NLGN4X: variants seen among roughly 807,000 people sequenced by gnomAD.
NLGN4X encodes neuroligin 4 X-linked, also known as neuroligin-4, X-linked.
NLGN4X carries 3 observed loss-of-function variants against 40.3 expected under a neutral mutation model. The ratio of observed to expected loss-of-function variants is 0.07; its 90% CI spans 0.03 to 0.19. The LOEUF is 0.19. NLGN4X is among the 10% of genes least tolerant of loss of function. The probability of loss-of-function intolerance (pLI) is 1.00; values close to 1 mark genes in which losing one functional copy is unlikely to be tolerated. For missense variants in NLGN4X, 382 were observed against 708.3 expected (o/e 0.54, Z 5.23); for synonymous variants, 270 against 306.8 (o/e 0.88, Z 1.25).
At chrX:6,092,007 TCCTCCCTC>T (rs780853909) in intron 2 of NLGN4X, among the ~76,000 whole-genome samples, 1 of 105,988 alleles carries the variant, frequency 9.4e-6, no homozygotes, top group African/African-American at 3.5e-5. Context: ...CTTCCCCCCT[TCCTCCCTC>T]CCTCCCTCCC....
At chrX:6,155,458 T>G (rs1380366582) in intron 1 of NLGN4X, among the ~76,000 whole-genome samples, 1 of 112,011 alleles carries the variant, frequency 8.9e-6, no homozygotes, top group African/African-American at 3.2e-5. Context: ...TTGTGTCTAG[T>G]GGAGACAACA....
intron 2 of NLGN4X, among the ~76,000 whole-genome samples, chrX:6,130,593 T>C (rs2039659269): frequency 8.9e-6 from 1 of 112,988 alleles, no homozygotes; most frequent in Non-Finnish European, 1.9e-5. Context: ...ATGAAAAATA[T>C]ATTAAAACTG....
At chrX:6,068,130 A>G (rs145442507) in intron 2 of NLGN4X, among the ~76,000 whole-genome samples, 4,708 of 111,735 alleles carry the variant, frequency 0.042, 221 homozygotes, top group African/African-American at 0.13. Context: ...TCTAAAGCCC[A>G]AACTGAGGTC....
intron 3 of NLGN4X, among the ~76,000 whole-genome samples, chrX:5,936,109 T>C (rs994691893): frequency 8.9e-6 from 1 of 111,892 alleles, no homozygotes; most frequent in Non-Finnish European, 1.9e-5. Flanking sequence ...TATGAAACAT[T>C]ATCTGATAAG....
chrX:6,022,806 C>G (rs976271127), intron 3 of NLGN4X, among the ~76,000 whole-genome samples: 1 of 111,611 alleles, frequency 9.0e-6, no homozygotes, highest in Non-Finnish European at 1.9e-5. Context: ...AGAGGAAAAC[C>G]CTACAAGGGA....
intron 3 of NLGN4X, among the ~76,000 whole-genome samples, chrX:5,983,264 C>A (rs959834310): frequency 5.4e-5 from 6 of 111,827 alleles, no homozygotes; most frequent in African/African-American, 1.9e-4. Flanking sequence ...GAGAAAGATG[C>A]CACTAATCCA....
chrX:6,068,425 CT>C (rs1185433888), intron 2 of NLGN4X, among the ~76,000 whole-genome samples: 1 of 111,027 alleles, frequency 9.0e-6, no homozygotes, highest in Non-Finnish European at 1.9e-5. Flanking sequence ...GAAAAGCTTT[CT>C]CAGAATGTCT....
chrX:6,019,274 G>A (rs2036472538), intron 3 of NLGN4X, among the ~76,000 whole-genome samples: 1 of 112,058 alleles, frequency 8.9e-6, no homozygotes, highest in African/African-American at 3.2e-5. Context: ...GCTTCTTGTA[G>A]AATTGCCTGT....
chrX:5,923,100 A>G (rs2033137373), intron 3 of NLGN4X, among the ~76,000 whole-genome samples: 1 of 111,426 alleles, frequency 9.0e-6, no homozygotes, highest in African/African-American at 3.3e-5. Flanking sequence ...CTATTAAGCC[A>G]TATGTCCCCA....
At chrX:5,979,605 A>G (rs1351175794) in intron 3 of NLGN4X, among the ~76,000 whole-genome samples, 1 of 110,158 alleles carries the variant, frequency 9.1e-6, no homozygotes, top group Non-Finnish European at 1.9e-5. Flanking sequence ...AATGATGCTG[A>G]GCACATTTTC....
rs753149396 is a variant in NLGN4X, at chrX:6,151,084, A to T, written c.383T>A (p.Phe128Tyr). The T allele has an allele frequency of 2.5e-6, 3 of 1,211,849 alleles. No individual in the cohort carries two copies. The highest frequency in any genetic ancestry group is 3.4e-6 in the Non-Finnish European group (3 of 895,498). The change falls in exon 2 of 6, where the codon TTT becomes TAT. Residue 128 changes from phenylalanine (F) to tyrosine (Y), a missense_variant. Physicochemically the swap from Phe to Tyr is conservative, Grantham distance 22. Transcript: ENST00000381095. Reference sequence around the variant, plus strand: ...CATCAAAGTATCCAAATTGGCGGTAAACCAGATGGGCAGCATGTCATGCAG... The same window carrying T: ...CATCAAAGTATCCAAATTGGCGGTATACCAGATGGGCAGCATGTCATGCAG... The part of the protein sequence containing the change: ...SLLHDMLPIW[F>Y]TANLDTLMTY...
At chrX:5,943,152 G>A (rs938323424) in intron 3 of NLGN4X, among the ~76,000 whole-genome samples, 1 of 111,441 alleles carries the variant, frequency 9.0e-6, no homozygotes, top group African/African-American at 3.3e-5. Flanking sequence ...GAGATTCAGT[G>A]CATTAGAAGC....
intron 2 of NLGN4X, among the ~76,000 whole-genome samples, chrX:6,068,611 T>C (rs1241443297): frequency 8.9e-6 from 1 of 111,999 alleles, no homozygotes; most frequent in Non-Finnish European, 1.9e-5. Context: ...AATCAACAAT[T>C]GTAAAAATTC....
At chrX:5,991,965 T>A (rs774046222) in intron 3 of NLGN4X, among the ~76,000 whole-genome samples, 1 of 111,380 alleles carries the variant, frequency 9.0e-6, no homozygotes, top group African/African-American at 3.3e-5. Context: ...ATAGAAGGAG[T>A]TTTGTGTGTG....
At chrX:6,176,520 C>T (rs924886148) in intron 1 of NLGN4X, among the ~76,000 whole-genome samples, 2 of 111,760 alleles carry the variant, frequency 1.8e-5, no homozygotes, top group Admixed American at 1.9e-4. Flanking sequence ...GTCAGCAGAC[C>T]TCGAAATGGG....
intron 3 of NLGN4X, among the ~76,000 whole-genome samples, chrX:5,913,106 G>T (rs1601874823): frequency 9.1e-6 from 1 of 109,445 alleles, no homozygotes; most frequent in African/African-American, 3.3e-5. Flanking sequence ...AAAGAAGGAA[G>T]GCAGGCATTT....
chrX:6,094,817 A>T (rs2038722782), intron 2 of NLGN4X, among the ~76,000 whole-genome samples: 1 of 111,384 alleles, frequency 9.0e-6, no homozygotes, highest in Non-Finnish European at 1.9e-5. Context: ...AGAAATACAG[A>T]AAAGTCATCG....
At chrX:6,206,002 G>A (rs1411171473) in intron 1 of NLGN4X, among the ~76,000 whole-genome samples, 2 of 111,708 alleles carry the variant, frequency 1.8e-5, no homozygotes, top group Non-Finnish European at 3.8e-5. Flanking sequence ...TAATTACAAT[G>A]ATCATTGTTC....
At position 6,094,980 on chromosome X, in the gene NLGN4X, T is replaced by TA. The variant is rs759832503; in HGVS notation, c.472+56014dup. Among the ~76,000 whole-genome samples, 246 of 110,326 alleles carry TA rather than the reference T, an allele frequency of 2.2e-3. 1 individual carries two copies. The highest frequency in any genetic ancestry group is 7.7e-3 in the African/African-American group (232 of 30,312). On this transcript the variant is annotated intron_variant, in intron 2 of 5. Coordinates refer to ENST00000381095, the MANE Select transcript of NLGN4X (RefSeq NM_181332.3). The stretch of plus-strand genomic sequence containing the variant: ...AAAAACGTTGCAGCAATTTTTTTTT[T>TA]AAAAAGAGTAATTTTATCAAATTTG...
Sources: gnomAD v4.1 joint callset for allele counts (sites outside exome capture counted in the v4.1 genomes callset) on GRCh38, gnomAD v4.1.1 for gene constraint, MANE v1.5 for transcripts, NCBI Gene and HGNC (gene_info 2026-07-23, HGNC 2026-07-21) for gene names.